The following GBGT1 variants were observed in gnomAD, a reference collection of about 807,000 sequenced individuals.
The protein encoded by GBGT1 is globoside alpha-1,3-N-acetylgalactosaminyltransferase 1 (FORS blood group).
A neutral mutation model predicts 20.9 loss-of-function variants in GBGT1; 18 were observed. That is an observed-to-expected ratio of 0.86 (90% CI 0.60 to 1.28). The LOEUF (loss-of-function observed/expected upper bound fraction) is 1.28. Ranked by LOEUF, GBGT1 falls within the 50% of genes most tolerant of loss-of-function variation. The pLI is 0.00. For synonymous variants in GBGT1, 168 were observed against 180.8 expected (o/e 0.93, Z 0.57); for missense variants, 432 against 455.7 (o/e 0.95, Z 0.47).
intron 2 of GBGT1, 52 bp from the exon 3 acceptor site, chr9:133,161,584 C>T: frequency 3.1e-6 from 4 of 1,297,788 alleles, no homozygotes; most frequent in Non-Finnish European, 4.3e-6. Context: ...GCACCAGAGG[C>T]TGAAAACGCA....
intron 3 of GBGT1, 163 bp downstream of exon 3, chr9:133,161,304 G>C (rs924317759): frequency 1.1e-5 from 6 of 545,680 alleles, no homozygotes; most frequent in Non-Finnish European, 1.9e-5. Flanking sequence ...TTCACTTCAC[G>C]CTTGTCACAG....
intron 1 of GBGT1, among the ~76,000 whole-genome samples, chr9:133,162,830 G>A (rs988890005): frequency 6.6e-6 from 1 of 152,182 alleles, no homozygotes; most frequent in Admixed American, 6.5e-5. Flanking sequence ...CCACTGCACC[G>A]GGCCAGGAAT....
At chr9:133,159,351 G>A (rs1832965882) in intron 3 of GBGT1, among the ~76,000 whole-genome samples, 1 of 152,204 alleles carries the variant, frequency 6.6e-6, no homozygotes, top group Non-Finnish European at 1.5e-5. Flanking sequence ...ATGTTTCAGG[G>A]CCCTGCTCAG....
intron 3 of GBGT1, among the ~76,000 whole-genome samples, chr9:133,159,511 A>G (rs1462978818): frequency 3.3e-5 from 5 of 152,184 alleles, no homozygotes; most frequent in African/African-American, 9.7e-5. Flanking sequence ...CAAGAATACA[A>G]AAGCAGGCCG....
intron 3 of GBGT1, chr9:133,161,012 GA>G (rs10537325): frequency 0.14 from 45,631 of 333,506 alleles, 729 homozygotes; most frequent in Middle Eastern, 0.2. Context: ...TCTGACTCAA[GA>G]AAAAAAAAAA....
chr9:133,154,989 C>T lies in GBGT1; in HGVS notation c.359+189G>A. 1 of 583,356 alleles carries T rather than the reference C, an allele frequency of 1.7e-6. No individual in the cohort carries two copies. Among genetic ancestry groups the T allele is most frequent in the Admixed American group, 3.0e-5 (1 of 33,516 alleles). 36.1% of individuals were successfully genotyped at this position (583,356 alleles called of 1,614,324 possible). Reference sequence around the variant, plus strand: ...CATCCTGTCTATGCTAGAGCCAGATCCCCTACTCCAGGAAGCTCCCATCCC... The same window carrying T: ...CATCCTGTCTATGCTAGAGCCAGATTCCCTACTCCAGGAAGCTCCCATCCC... On this transcript the variant is annotated intron_variant, in intron 6 of 6. Coordinates refer to ENST00000372040, the MANE Select transcript of GBGT1 (RefSeq NM_021996.6). This position sits in a 1 kb window ranked among gnomAD's most constrained non-coding sequence, Gnocchi z 4.2.
At chr9:133,161,205 C>T (rs1833033044) in intron 3 of GBGT1, 1 of 434,934 alleles carries the variant, frequency 2.3e-6, no homozygotes, top group Non-Finnish European at 4.0e-6. Context: ...AGTGGCCAGA[C>T]ACAGCAAGCA....
At chr9:133,158,433 C>G (rs1456869410) in intron 3 of GBGT1, among the ~76,000 whole-genome samples, 1 of 152,138 alleles carries the variant, frequency 6.6e-6, no homozygotes, top group Non-Finnish European at 1.5e-5. Context: ...TGCCCACCAC[C>G]ACACCCAGCT....
At chr9:133,155,397 A>G in intron 5 of GBGT1, 85 bp from the exon 6 acceptor site, 1 of 1,536,702 alleles carries the variant, frequency 6.5e-7, no homozygotes, top group Non-Finnish European at 8.9e-7. Context: ...ACACTGTGTG[A>G]CCCGGGGCAG....
Position 133,154,161 on chromosome 9 carries a change from C to A in GBGT1, c.460G>T (p.Val154Phe). 6.3e-7 allele frequency: 1 copy of A among 1,595,306 alleles called. No individual in the cohort carries two copies. The highest frequency in any genetic ancestry group is 8.6e-7 in the Non-Finnish European group (1 of 1,165,882). The stretch of plus-strand genomic sequence containing the variant: ...TGGGGACCCAGCGGGACCCCGGGAA[C>A]GGCTGCAGGGTTGTCAGTGAAGATG... Reference protein sequence around the residue: ...YYIFTDNPAAVPGVPLGPHRL... With the variant: ...YYIFTDNPAAFPGVPLGPHRL... Residue 154 changes from valine to phenylalanine, a missense_variant, in exon 7 of 7, where the codon GTT becomes TTT. By Grantham distance (50) the Val-to-Phe change is conservative. Coordinates refer to ENST00000372040, the MANE Select transcript of GBGT1 (RefSeq NM_021996.6). The surrounding 1 kb of genome is among the most constrained non-coding windows in gnomAD (Gnocchi z 4.2).
At chr9:133,161,182 A>C (rs1588591670) in intron 3 of GBGT1, 2 of 424,002 alleles carry the variant, frequency 4.7e-6, no homozygotes, top group Non-Finnish European at 8.3e-6. Flanking sequence ...GCATCTTTGC[A>C]CTCTGTGTTC....
At chr9:133,160,085 G>C in intron 3 of GBGT1, 1 of 245,766 alleles carries the variant, frequency 4.1e-6, no homozygotes, top group South Asian at 3.6e-5. Context: ...GCCGAAGGGG[G>C]CAAAGACCAA....
rs1832813345 is a variant in GBGT1, at chr9:133,154,534, A to G, written c.360-273T>C. On this transcript the variant is annotated intron_variant, in intron 6 of 6. Coordinates refer to ENST00000372040, the MANE Select transcript of GBGT1 (RefSeq NM_021996.6). The surrounding 1 kb of genome is among the most constrained non-coding windows in gnomAD (Gnocchi z 4.2). Reference sequence around the variant, plus strand: ...ATTTCTAAGTGCCCAGCGACGTTCTAAGAATTCTTATGATCTTTGATCTGC... The same window carrying G: ...ATTTCTAAGTGCCCAGCGACGTTCTGAGAATTCTTATGATCTTTGATCTGC... 3 of 342,040 alleles carry G rather than the reference A, an allele frequency of 8.8e-6. No individual in the cohort carries two copies. Among genetic ancestry groups the G allele is most frequent in the African/African-American group, 4.2e-5 (2 of 47,638 alleles). 21.2% of individuals were successfully genotyped at this position (342,040 alleles called of 1,614,324 possible).
At chr9:133,163,371 G>C (rs562680193) in intron 1 of GBGT1, 1 of 152,738 alleles carries the variant, frequency 6.5e-6, no homozygotes, top group East Asian at 1.9e-4. Flanking sequence ...AGTGGATGGG[G>C]GGCGGCACGC....
Position 133,153,545 on chromosome 9 carries a change from G to A in GBGT1, c.*32C>T. ...AGCACTGGTGGCTGCAGGTCTTTGG[G>A]TCCCCATCCATGGCAACCCCCAGCT... On this transcript the variant is annotated 3_prime_UTR_variant, in exon 7 of 7. Transcript: ENST00000372040. The A allele has an allele frequency of 6.8e-7, 1 of 1,474,918 alleles. No individual in the cohort carries two copies. Among genetic ancestry groups the A allele is most frequent in the South Asian group, 1.3e-5 (1 of 74,430 alleles). 91.4% of individuals were successfully genotyped at this position (1,474,918 alleles called of 1,614,324 possible).
At chr9:133,155,766 T>A (rs1832852609) in intron 5 of GBGT1, 135 bp downstream of exon 5, 1 of 917,206 alleles carries the variant, frequency 1.1e-6, no homozygotes, top group African/African-American at 1.6e-5. Flanking sequence ...CTCCCAGCCC[T>A]GTGTCTTTCC....
At chr9:133,158,735 T>A (rs1164136458) in intron 3 of GBGT1, among the ~76,000 whole-genome samples, 4 of 152,200 alleles carry the variant, frequency 2.6e-5, no homozygotes, top group African/African-American at 9.7e-5. Flanking sequence ...TTCAGTGGCA[T>A]TAGGTACATT....
At position 133,153,590 on chromosome 9, in the gene GBGT1, C is replaced by A; in HGVS notation, c.1031G>T (p.Cys344Phe). The change falls in exon 7 of 7, where the codon TGC becomes TTC. Residue 344 changes from cysteine to phenylalanine, a missense_variant. Cys to Phe is a radical substitution (Grantham distance 205, BLOSUM62 -2). Transcript: ENST00000372040. ...RFSTLDKDIS[C>F]LRS Reference sequence around the variant, plus strand: ...CCAGCTCCGTGGTCAGCTCCTCAGGCAGCTGATATCCTTGTCCAGTGTAGA... The same window carrying A: ...CCAGCTCCGTGGTCAGCTCCTCAGGAAGCTGATATCCTTGTCCAGTGTAGA... 1 of 1,535,052 alleles carries A rather than the reference C, an allele frequency of 6.5e-7. No homozygotes were observed.
chr9:133,156,312 C>A (rs1832867944), intron 3 of GBGT1, among the ~76,000 whole-genome samples: 1 of 152,152 alleles, frequency 6.6e-6, no homozygotes, highest in Non-Finnish European at 1.5e-5. Flanking sequence ...GCCGCTTGCT[C>A]CCAAGGCTGA....
Sources: allele counts gnomAD v4.1 joint callset (sites outside exome capture counted in the v4.1 genomes callset), GRCh38; gene constraint gnomAD v4.1.1; non-coding constraint Gnocchi (gnomAD v3.1); transcripts MANE v1.5; gene names NCBI Gene and HGNC (gene_info 2026-07-23, HGNC 2026-07-21).